DACH1: variants seen among roughly 807,000 people sequenced by gnomAD.
DACH1 encodes the protein dachshund family transcription factor 1, also known as dachshund homolog 1.
DACH1 carries 12 observed loss-of-function variants against 54.2 expected under a neutral mutation model. That is an observed-to-expected ratio of 0.22 (90% CI 0.14 to 0.36). DACH1 has a LOEUF of 0.36. DACH1 is among the 10% of genes least tolerant of loss of function. The pLI is 1.00. For missense variants in DACH1, 805 were observed against 929.8 expected (o/e 0.87, Z 1.75); for synonymous variants, 386 against 366.2 (o/e 1.05, Z -0.62).
chr13:71,708,311 A>G (rs1882545338), intron 1 of DACH1, among the ~76,000 whole-genome samples: 1 of 152,192 alleles, frequency 6.6e-6, no homozygotes. Flanking sequence ...CAGTTCATTT[A>G]TTAAGTTTTT....
chr13:71,749,832 C>T (rs1462983916), intron 1 of DACH1, among the ~76,000 whole-genome samples: 4 of 152,060 alleles, frequency 2.6e-5, no homozygotes, highest in African/African-American at 9.7e-5. Flanking sequence ...ATTATTGTCT[C>T]CATTTTGAAA....
chr13:71,806,668 C>A (rs943465320), intron 1 of DACH1, among the ~76,000 whole-genome samples: 6 of 152,066 alleles, frequency 3.9e-5, no homozygotes, highest in Admixed American at 1.3e-4. Flanking sequence ...TGAAGAATTT[C>A]CTGAACAGAT....
At chr13:71,541,925 G>GTTT (rs397720054) in intron 6 of DACH1, among the ~76,000 whole-genome samples, 70 of 105,770 alleles carry the variant, frequency 6.6e-4, no homozygotes, top group Non-Finnish European at 7.8e-4. Context: ...TATTTGCCCA[G>GTTT]TTTTTTTTTT....
Position 71,805,513 on chromosome 13 carries a change from C to T in DACH1, c.848+60409G>A, listed in dbSNP as rs554505676. 2.6e-5 allele frequency among the ~76,000 whole-genome samples: 4 copies of T among 152,202 alleles called. No homozygotes were observed. The South Asian group carries it at 8.3e-4, about 32-fold the overall frequency. On this transcript the variant is annotated intron_variant, in intron 1 of 10. Coordinates refer to ENST00000613252, the MANE Select transcript of DACH1 (RefSeq NM_080759.6). Reference sequence around the variant, plus strand: ...ATTCACACTTTCAATATTTAAAAAGCCTGCTGTCACGGCTGGTAGGAATAA... The same window carrying T: ...ATTCACACTTTCAATATTTAAAAAGTCTGCTGTCACGGCTGGTAGGAATAA...
intron 1 of DACH1, among the ~76,000 whole-genome samples, chr13:71,824,539 A>G (rs2138190875): frequency 6.7e-6 from 1 of 149,510 alleles, no homozygotes; most frequent in Admixed American, 6.8e-5. Flanking sequence ...GTTCAGAATG[A>G]ATGAAAAATA....
At chr13:71,587,744 A>G (rs1354306357) in intron 3 of DACH1, among the ~76,000 whole-genome samples, 1 of 152,110 alleles carries the variant, frequency 6.6e-6, no homozygotes, top group Non-Finnish European at 1.5e-5. Context: ...CTGGATCTGA[A>G]TAATAGGATA....
intron 1 of DACH1, among the ~76,000 whole-genome samples, chr13:71,768,475 G>A (rs998645013): frequency 6.6e-6 from 1 of 151,850 alleles, no homozygotes; most frequent in Non-Finnish European, 1.5e-5. Flanking sequence ...TTCTTATGAT[G>A]AAAACATATT....
At chr13:71,790,445 T>C (rs1398353056) in intron 1 of DACH1, among the ~76,000 whole-genome samples, 1 of 152,148 alleles carries the variant, frequency 6.6e-6, no homozygotes, top group Non-Finnish European at 1.5e-5. Flanking sequence ...TTTTGATGAC[T>C]TGACTTAGAG....
chr13:71,764,412 T>A (rs1393037206), intron 1 of DACH1, among the ~76,000 whole-genome samples: 2 of 152,040 alleles, frequency 1.3e-5, no homozygotes, highest in African/African-American at 2.4e-5. Flanking sequence ...TATTAAAAAA[T>A]TTAAATTAGG....
At chr13:71,739,027 C>T (rs989851906) in intron 1 of DACH1, among the ~76,000 whole-genome samples, 5 of 151,654 alleles carry the variant, frequency 3.3e-5, no homozygotes, top group Non-Finnish European at 4.4e-5. Context: ...CCGAGGCGGG[C>T]GGATCACCTG....
At chr13:71,582,204 T>A (rs1488776553) in intron 3 of DACH1, among the ~76,000 whole-genome samples, 1 of 152,178 alleles carries the variant, frequency 6.6e-6, no homozygotes, top group African/African-American at 2.4e-5. Flanking sequence ...AATATTGGTA[T>A]GTGACTCCTA....
chr13:71,629,325 A>G (rs1018484355), intron 3 of DACH1, among the ~76,000 whole-genome samples: 3 of 151,936 alleles, frequency 2.0e-5, no homozygotes, highest in Admixed American at 2.0e-4. Flanking sequence ...ATGTCTTTTC[A>G]TCCGTCTAGG....
intron 3 of DACH1, among the ~76,000 whole-genome samples, chr13:71,629,506 A>G (rs1876921960): frequency 6.6e-6 from 1 of 152,112 alleles, no homozygotes; most frequent in Non-Finnish European, 1.5e-5. Flanking sequence ...TTTTACTCTA[A>G]TATTCATGTC....
chr13:71,555,788 T>G (rs1169148883), intron 6 of DACH1, among the ~76,000 whole-genome samples: 1 of 152,126 alleles, frequency 6.6e-6, no homozygotes, highest in African/African-American at 2.4e-5. Context: ...AAGTTAAAAA[T>G]TTAGAGACCA....
intron 10 of DACH1, among the ~76,000 whole-genome samples, chr13:71,459,499 T>A (rs776332541): frequency 1.3e-5 from 2 of 152,042 alleles, no homozygotes; most frequent in East Asian, 1.9e-4. Context: ...TTTTGAAACA[T>A]CCAGAACTTT....
intron 10 of DACH1, among the ~76,000 whole-genome samples, chr13:71,470,157 G>A (rs1425889032): frequency 2.6e-5 from 4 of 152,112 alleles, no homozygotes; most frequent in African/African-American, 4.8e-5. Flanking sequence ...AATTTAAAAT[G>A]GAAAATTGGA....
chr13:71,496,314 C>A lies in DACH1; in HGVS notation c.1571-7166G>T, dbSNP rs1465321026. 2.0e-3 allele frequency among the ~76,000 whole-genome samples: 233 copies of A among 114,064 alleles called. 2 individuals are homozygous for A. Among genetic ancestry groups the A allele is most frequent in the African/African-American group, 7.5e-3 (222 of 29,502 alleles). The allele number at this position is 114,064 out of a possible 152,430, so 74.8% of individuals were successfully genotyped here. ...ATATATATATATATATATACACACA[C>A]AAAAAGATATGCAACATATATATAT... On this transcript the variant is annotated intron_variant, in intron 6 of 10. Coordinates refer to ENST00000613252, the MANE Select transcript of DACH1 (RefSeq NM_080759.6).
chr13:71,574,949 T>C (rs1199732855), intron 3 of DACH1, among the ~76,000 whole-genome samples: 1 of 152,052 alleles, frequency 6.6e-6, no homozygotes. Context: ...CCCTAGGTAC[T>C]AGTCAAACAC....
chr13:71,475,468 C>A (rs961970682), intron 9 of DACH1, among the ~76,000 whole-genome samples: 2 of 152,070 alleles, frequency 1.3e-5, no homozygotes, highest in African/African-American at 4.8e-5. Context: ...AGAAAAAAAT[C>A]TGGTTAAGCA....
Sources: allele counts gnomAD v4.1 joint callset (sites outside exome capture counted in the v4.1 genomes callset), GRCh38; gene constraint gnomAD v4.1.1; transcripts MANE v1.5; gene names NCBI Gene and HGNC (gene_info 2026-07-23, HGNC 2026-07-21).